EVA1C: variants seen among roughly 807,000 people sequenced by gnomAD.
EVA1C encodes eva-1 homolog C.
Under a neutral mutation model 45.4 loss-of-function variants are expected in EVA1C, and 25 were observed. The observed-to-expected ratio is 0.55, with a 90% CI of 0.40 to 0.77. The LOEUF (loss-of-function observed/expected upper bound fraction) is 0.77, where lower values mean the gene tolerates loss of function less well. Ranked by LOEUF, EVA1C falls within the 30% of genes least tolerant of loss-of-function variation. The pLI is 0.00. For missense variants in EVA1C, 479 were observed against 554.8 expected, an observed-to-expected ratio of 0.86 and a Z score of 1.37; for synonymous variants, 190 against 221.2, an observed-to-expected ratio of 0.86 and a Z score of 1.25.
rs75230541 is a variant in EVA1C at position 32,463,800 on chromosome 21, G to C, written c.482-3896G>C. 1.7e-4 allele frequency among the ~76,000 whole-genome samples: 26 copies of C among 149,596 alleles called. 1 individual carries two copies. Among genetic ancestry groups the C allele is most frequent in the Non-Finnish European group, 4.4e-5 (3 of 67,444 alleles). ...GATTTATAAAAAAAGAAAAAAAAAAGACTTCCATTTAAAAAGTTTCCAATT... is the reference window on the plus strand; with the variant it reads ...GATTTATAAAAAAAGAAAAAAAAAACACTTCCATTTAAAAAGTTTCCAATT... On this transcript the variant is annotated intron_variant, in intron 3 of 7. Coordinates refer to ENST00000300255, the MANE Select transcript of EVA1C (RefSeq NM_058187.5).
At chr21:32,481,640 T>TC (rs778686027) in intron 4 of EVA1C, among the ~76,000 whole-genome samples, 9 of 152,184 alleles carry the variant, frequency 5.9e-5, no homozygotes, top group Non-Finnish European at 1.3e-4. Context: ...AAAATGCCTC[T>TC]AAGACTCTCA....
chr21:32,466,304 A>G (rs139200682), intron 3 of EVA1C, among the ~76,000 whole-genome samples: 120 of 151,926 alleles, frequency 7.9e-4, no homozygotes, highest in Non-Finnish European at 1.4e-3. Flanking sequence ...CTGTAGTCCC[A>G]GCTACTTGGG....
At chr21:32,501,520 C>T in intron 6 of EVA1C, 25 bp downstream of exon 6, 6 of 1,592,126 alleles carry the variant, frequency 3.8e-6, no homozygotes, top group Non-Finnish European at 4.2e-6. Context: ...TTACTACCAG[C>T]ATTTCTCTTT....
chr21:32,429,082 T>C (rs1427534951), intron 1 of EVA1C, among the ~76,000 whole-genome samples: 1 of 146,572 alleles, frequency 6.8e-6, no homozygotes, highest in East Asian at 1.9e-4. Context: ...ATTGTCGCCT[T>C]GGTGCAATCT....
Position 32,478,159 on chromosome 21 carries a change from G to A in EVA1C, c.634+10311G>A, listed in dbSNP as rs1474249207. Among the ~76,000 whole-genome samples, 4 of 150,642 alleles carry A rather than the reference G, an allele frequency of 2.7e-5. No homozygotes were observed. The East Asian group carries it at 5.9e-4, about 22-fold the overall frequency. ...TTCATATACTGAAGTCCTAACTCCC[G>A]GTACCTCAGAACGTGACCTTATTTG... On this transcript the variant is annotated intron_variant, in intron 4 of 7. Transcript: ENST00000300255.
At chr21:32,436,766 G>A (rs779596834) in intron 1 of EVA1C, among the ~76,000 whole-genome samples, 2 of 152,394 alleles carry the variant, frequency 1.3e-5, no homozygotes, top group East Asian at 1.9e-4. Context: ...CTCAGGGCAC[G>A]GCAGACACGC....
In EVA1C at chr21:32,503,908, G is replaced by A. The variant is rs766220962; in HGVS notation, c.860-18G>A. The A allele has an allele frequency of 2.5e-6, 4 of 1,589,786 alleles. No individual in the cohort carries two copies. Among genetic ancestry groups the A allele is most frequent in the Non-Finnish European group, 3.4e-6 (4 of 1,161,986 alleles). On this transcript the variant is annotated intron_variant, in intron 6 of 7. Transcript: ENST00000300255. ...TGAACAGCTGTGATTAATTGGTCTT[G>A]CATTTTTCATGAAACAGGTATAAAC...
At chr21:32,437,179 C>CAAAACAAAACAAAACAAAACA (rs368504892) in intron 1 of EVA1C, among the ~76,000 whole-genome samples, 33 of 135,072 alleles carry the variant, frequency 2.4e-4, no homozygotes, top group African/African-American at 4.5e-4. Context: ...CAAAACAAAA[C>CAAAACAAAACAAAACAAAACA]AAACATAGAT....
At chr21:32,447,448 T>C (rs2035404732) in intron 1 of EVA1C, among the ~76,000 whole-genome samples, 1 of 152,098 alleles carries the variant, frequency 6.6e-6, no homozygotes, top group Non-Finnish European at 1.5e-5. Flanking sequence ...CACATACATA[T>C]ATGCACAAGC....
At chr21:32,449,749 G>A (rs190679820) in intron 1 of EVA1C, among the ~76,000 whole-genome samples, 369 of 151,976 alleles carry the variant, frequency 2.4e-3, no homozygotes, top group African/African-American at 8.4e-3. Context: ...AGCCTCCAGA[G>A]TAGCTGGGAT....
At chr21:32,414,219 G>A (rs2033946565) in intron 1 of EVA1C, among the ~76,000 whole-genome samples, 1 of 152,140 alleles carries the variant, frequency 6.6e-6, no homozygotes, top group African/African-American at 2.4e-5. Flanking sequence ...AGCCACCCAC[G>A]GCCCTTAAAA....
At chr21:32,484,158 CCCAGTCCCCAGGGTACCTCCT>C (rs2036890229) in intron 4 of EVA1C, among the ~76,000 whole-genome samples, 1 of 152,124 alleles carries the variant, frequency 6.6e-6, no homozygotes. Context: ...CCTCTACCTG[CCCAGTCCCCAGGGTACCTCCT>C]CCAAACCCCA....
At chr21:32,449,824 T>C (rs2035512661) in intron 1 of EVA1C, among the ~76,000 whole-genome samples, 1 of 152,068 alleles carries the variant, frequency 6.6e-6, no homozygotes. Context: ...AATTTCACCA[T>C]GTTGGCCAGG....
rs1482100059 is a variant in EVA1C, at chr21:32,417,553, GA to G, written c.160+4542del. 3.3e-5 allele frequency among the ~76,000 whole-genome samples: 5 copies of G among 152,294 alleles called. No individual in the cohort carries two copies. The East Asian group carries it at 7.7e-4, about 24-fold the overall frequency. Reference sequence around the variant, plus strand: ...TGCTAGAGATTAGACTCCAATGTTTGAATTTTAGTGGGATGCAGTTCAGCCA... The same window carrying G: ...TGCTAGAGATTAGACTCCAATGTTTGATTTTAGTGGGATGCAGTTCAGCCA... On this transcript the variant is annotated intron_variant, in intron 1 of 7. Coordinates refer to ENST00000300255, the MANE Select transcript of EVA1C (RefSeq NM_058187.5).
chr21:32,471,131 G>C (rs142599258), intron 4 of EVA1C, among the ~76,000 whole-genome samples: 2 of 152,052 alleles, frequency 1.3e-5, no homozygotes, highest in African/African-American at 4.8e-5. Flanking sequence ...TGTATTATAT[G>C]GTTCCTTAGC....
intron 3 of EVA1C, 100 bp downstream of exon 3, chr21:32,457,820 T>C: frequency 1.4e-6 from 2 of 1,394,384 alleles, no homozygotes; most frequent in Non-Finnish European, 1.0e-6. Context: ...TGTCCAACTT[T>C]GAAACTCATT....
At chr21:32,444,608 C>G (rs1310810451) in intron 1 of EVA1C, among the ~76,000 whole-genome samples, 2 of 152,178 alleles carry the variant, frequency 1.3e-5, no homozygotes, top group Non-Finnish European at 1.5e-5. Context: ...AAACCCAGTT[C>G]TTTTGGATTT....
chr21:32,490,416 G>A (rs2037117214), intron 4 of EVA1C, among the ~76,000 whole-genome samples: 1 of 152,164 alleles, frequency 6.6e-6, no homozygotes, highest in South Asian at 2.1e-4. Flanking sequence ...TTAGGAGTCG[G>A]ACTTGGTCAG....
chr21:32,440,100 C>A (rs150309542), intron 1 of EVA1C, among the ~76,000 whole-genome samples: 3,086 of 152,118 alleles, frequency 0.02, 100 homozygotes, highest in African/African-American at 0.06. Context: ...TTGGTCCTTC[C>A]GATTGGTTAG....
Sources: gnomAD v4.1 joint callset for allele counts (sites outside exome capture counted in the v4.1 genomes callset) on GRCh38, gnomAD v4.1.1 for gene constraint, MANE v1.5 for transcripts, NCBI Gene and HGNC (gene_info 2026-07-23, HGNC 2026-07-21) for gene names.